The following TRPC7 variants were observed in gnomAD, a reference collection of about 807,000 sequenced individuals.
TRPC7 encodes the protein short transient receptor potential channel 7.
TRPC7 carries 42 observed loss-of-function variants against 90.1 expected under a neutral mutation model. The observed-to-expected ratio is 0.47, with a 90% CI of 0.36 to 0.60. TRPC7 has a LOEUF of 0.60. TRPC7 is among the 20% of genes least tolerant of loss of function. The pLI is 0.00. For synonymous variants in TRPC7, 451 were observed against 436.3 expected, an observed-to-expected ratio of 1.03 and a Z score of -0.42; for missense variants, 955 against 1,112.3, an observed-to-expected ratio of 0.86 and a Z score of 2.01.
At chr5:136,350,410 C>T (rs949529730) in intron 2 of TRPC7, among the ~76,000 whole-genome samples, 2 of 152,184 alleles carry the variant, frequency 1.3e-5, no homozygotes, top group African/African-American at 4.8e-5. Context: ...CCAGAGCATA[C>T]AGTCTCCCTG....
intron 3 of TRPC7, among the ~76,000 whole-genome samples, chr5:136,279,062 A>G (rs1561698781): frequency 6.6e-6 from 1 of 152,110 alleles, no homozygotes; most frequent in Admixed American, 6.5e-5. Flanking sequence ...CAGGCTCTTC[A>G]TTCCCACGGA....
In TRPC7 at chr5:136,242,310, A is replaced by AATGAGTTGCCAGC. The variant is rs1756197391; in HGVS notation, c.1844+5148_1844+5160dup. On this transcript the variant is annotated intron_variant, in intron 7 of 11. Transcript: ENST00000513104. ...TTTCTAATAGAAGTGGCTTGGAGAT[A>AATGAGTTGCCAGC]ATGAGTTGCCAGCAGGTGTACTATC... Among the ~76,000 whole-genome samples the AATGAGTTGCCAGC allele has an allele frequency of 2.0e-5, 3 of 152,288 alleles. No homozygotes were observed. In the East Asian group the frequency reaches 5.8e-4, roughly 29 times the overall value.
At chr5:136,350,693 G>T (rs2149857775) in intron 2 of TRPC7, among the ~76,000 whole-genome samples, 1 of 152,284 alleles carries the variant, frequency 6.6e-6, no homozygotes, top group South Asian at 2.1e-4. Context: ...CAGGTATGGG[G>T]TCCTGTGTCC....
intron 2 of TRPC7, among the ~76,000 whole-genome samples, chr5:136,333,387 T>C (rs1440097760): frequency 6.6e-6 from 1 of 152,200 alleles, no homozygotes; most frequent in Non-Finnish European, 1.5e-5. Flanking sequence ...CAGGGAACTA[T>C]GCAAGTAGAT....
chr5:136,323,300 A>C (rs527888960), intron 2 of TRPC7, among the ~76,000 whole-genome samples: 1 of 151,908 alleles, frequency 6.6e-6, no homozygotes, highest in African/African-American at 2.4e-5. Flanking sequence ...TAAATTGCCC[A>C]CTCTTGGGTG....
Position 136,247,769 on chromosome 5 carries a change from C to T in TRPC7, c.1580-34G>A. The T allele has an allele frequency of 6.3e-7, 1 of 1,597,284 alleles. No homozygotes were observed. The highest frequency in any genetic ancestry group is 1.3e-5 in the African/African-American group (1 of 74,408). ...AAACAATCTGGGTTACTCACGAGGC[C>T]ACAGGATCTATTCTAGAAGAGAAAC... On this transcript the variant is annotated intron_variant, in intron 6 of 11. Transcript: ENST00000513104. The surrounding 1 kb of genome is among the most constrained non-coding windows in gnomAD (Gnocchi z 4.2).
intron 10 of TRPC7, among the ~76,000 whole-genome samples, chr5:136,224,372 A>C (rs915473214): frequency 2.6e-5 from 4 of 152,158 alleles, no homozygotes; most frequent in Non-Finnish European, 2.9e-5. Context: ...GGAAGCATAA[A>C]AGTTCTTTTT....
chr5:136,226,546 C>G (rs1755637036), intron 8 of TRPC7: 1 of 402,182 alleles, frequency 2.5e-6, no homozygotes, highest in Non-Finnish European at 4.4e-6. Flanking sequence ...TCTCCATTTG[C>G]AGCTAACCAA....
At chr5:136,300,724 A>C (rs1190604287) in intron 3 of TRPC7, among the ~76,000 whole-genome samples, 1 of 152,218 alleles carries the variant, frequency 6.6e-6, no homozygotes, top group African/African-American at 2.4e-5. Flanking sequence ...CCAGCCTGGA[A>C]CATCATCTGG....
chr5:136,279,250 G>A (rs978637602), intron 3 of TRPC7, among the ~76,000 whole-genome samples: 18 of 152,116 alleles, frequency 1.2e-4, no homozygotes, highest in African/African-American at 4.1e-4. Context: ...TAATTGTTGG[G>A]TTGCTCTGAG....
At chr5:136,336,751 A>G (rs370377990) in intron 2 of TRPC7, among the ~76,000 whole-genome samples, 41 of 152,124 alleles carry the variant, frequency 2.7e-4, no homozygotes, top group African/African-American at 9.4e-4. Flanking sequence ...TATGAGTGAG[A>G]ACATGTGGTA....
chr5:136,263,462 CATA>C (rs576758159), intron 5 of TRPC7, among the ~76,000 whole-genome samples: 149 of 152,214 alleles, frequency 9.8e-4, no homozygotes, highest in African/African-American at 3.4e-3. Flanking sequence ...AAAGGTCATC[CATA>C]ATTAGAAGCA....
At chr5:136,222,392 G>A (rs1755492418) in intron 10 of TRPC7, among the ~76,000 whole-genome samples, 2 of 152,224 alleles carry the variant, frequency 1.3e-5, no homozygotes, top group Non-Finnish European at 1.5e-5. Flanking sequence ...CAACATGTGA[G>A]AAGCTGATGG....
chr5:136,360,916 C>T (rs1483245870), intron 1 of TRPC7, among the ~76,000 whole-genome samples: 1 of 152,148 alleles, frequency 6.6e-6, no homozygotes, highest in Non-Finnish European at 1.5e-5. Flanking sequence ...GACATTTATG[C>T]ACTTGTGAAT....
intron 3 of TRPC7, among the ~76,000 whole-genome samples, chr5:136,291,677 C>CCA (rs1757959872): frequency 6.6e-6 from 1 of 152,100 alleles, no homozygotes; most frequent in African/African-American, 2.4e-5. Flanking sequence ...ACTTAGACTC[C>CCA]CACACAATAA....
chr5:136,235,394 A>C (rs958929638), intron 7 of TRPC7, among the ~76,000 whole-genome samples: 1 of 152,156 alleles, frequency 6.6e-6, no homozygotes, highest in Non-Finnish European at 1.5e-5. Context: ...ACTTGACCTC[A>C]CTACCCTGAG....
chr5:136,251,586 G>A lies in TRPC7; in HGVS notation c.1579+63C>T, dbSNP rs201617752. The A allele has an allele frequency of 2.1e-4, 275 of 1,316,040 alleles. 1 individual carries two copies. Among genetic ancestry groups the A allele is most frequent in the Admixed American group, 6.2e-5 (3 of 48,438 alleles). The allele number at this position is 1,316,040 out of a possible 1,614,324, so 81.5% of individuals were successfully genotyped here. On this transcript the variant is annotated intron_variant, in intron 6 of 11. Coordinates refer to ENST00000513104, the MANE Select transcript of TRPC7 (RefSeq NM_020389.3). ...GCGTTACAAGTTCACCAGCCACAGT[G>A]AAGCACCAGGCCCACGTCCCGGAAG...
At chr5:136,250,829 C>T (rs1327383028) in intron 6 of TRPC7, among the ~76,000 whole-genome samples, 1 of 152,106 alleles carries the variant, frequency 6.6e-6, no homozygotes, top group Non-Finnish European at 1.5e-5. Context: ...ATCCAGGTCT[C>T]TTCTACTCCA....
At chr5:136,346,541 A>G (rs1437474431) in intron 2 of TRPC7, among the ~76,000 whole-genome samples, 1 of 152,072 alleles carries the variant, frequency 6.6e-6, no homozygotes, top group African/African-American at 2.4e-5. Flanking sequence ...GTACACATAC[A>G]ACACACACAT....
Sources: gnomAD v4.1 joint callset for allele counts (sites outside exome capture counted in the v4.1 genomes callset) on GRCh38, gnomAD v4.1.1 for gene constraint, Gnocchi (gnomAD v3.1) non-coding constraint, MANE v1.5 for transcripts, NCBI Gene and HGNC (gene_info 2026-07-23, HGNC 2026-07-21) for gene names.